Variants in ARHGAP42 observed in about 807,000 individuals in gnomAD.
ARHGAP42 encodes the protein Rho GTPase activating protein 42, also known as rho GTPase-activating protein 42.
ARHGAP42 carries 63 observed loss-of-function variants against 125.0 expected under a neutral mutation model. That is an observed-to-expected ratio of 0.50 (90% confidence interval 0.41 to 0.62). The LOEUF (loss-of-function observed/expected upper bound fraction) is 0.62. ARHGAP42 is among the 20% of genes least tolerant of loss of function. The pLI is 0.00. For synonymous variants in ARHGAP42, 339 were observed against 351.0 expected (o/e 0.97, Z 0.38); for missense variants, 766 against 1,024.2 (o/e 0.75, Z 3.44).
At chr11:100,711,693 T>A (rs910179818) in intron 1 of ARHGAP42, among the ~76,000 whole-genome samples, 1 of 152,206 alleles carries the variant, frequency 6.6e-6, no homozygotes, top group Non-Finnish European at 1.5e-5. Flanking sequence ...TGATGAATAT[T>A]TATCCACAAC....
intron 3 of ARHGAP42, among the ~76,000 whole-genome samples, chr11:100,804,791 C>T (rs560100843): frequency 4.6e-5 from 7 of 152,128 alleles, no homozygotes; most frequent in African/African-American, 1.4e-4. Context: ...GGATTACAGG[C>T]GTGAGCCACC....
In ARHGAP42 at chr11:100,989,767, A is replaced by T. The variant is rs1858783875; in HGVS notation, c.*966A>T. ...GATTGTAAAGTGTCAAAGTATTTTA[A>T]TGATAATTTAATTTGGGCTTTTGAA... On this transcript the variant is annotated 3_prime_UTR_variant, in exon 24 of 24. Coordinates refer to ENST00000298815, the MANE Select transcript of ARHGAP42 (RefSeq NM_152432.4). The T allele has an allele frequency of 1.3e-5, 2 of 152,228 alleles. No individual in the cohort carries two copies. Among genetic ancestry groups the T allele is most frequent in the African/African-American group, 4.8e-5 (2 of 41,460 alleles). 9.4% of individuals were successfully genotyped at this position (152,228 alleles called of 1,614,324 possible). A position where few individuals can be genotyped will look rare whatever the true frequency, so the allele number is the denominator to read the frequency against.
At position 100,959,884 on chromosome 11, in the gene ARHGAP42, G is replaced by A; in HGVS notation, c.1164G>A (p.Met388Ile). 6.4e-7 allele frequency: 1 copy of A among 1,551,260 alleles called. No homozygotes were observed. Residue 388 changes from methionine to isoleucine, a missense_variant and splice_region_variant, in exon 13 of 24, where the codon ATG becomes ATA. Coordinates refer to ENST00000298815, the MANE Select transcript of ARHGAP42 (RefSeq NM_152432.4). ...LPAIISKKEE[M>I]YLNEAGFNFV... ...ATGCGATTTCTCTCTTATTTTCAGT[G>A]TATTTGAATGAAGCAGGGTTCAACT...
chr11:100,936,561 T>C (rs945374760), intron 8 of ARHGAP42, among the ~76,000 whole-genome samples: 1 of 152,228 alleles, frequency 6.6e-6, no homozygotes, highest in Non-Finnish European at 1.5e-5. Context: ...ACTCATACCA[T>C]AACATGCGTT....
At chr11:100,752,973 CT>C in intron 1 of ARHGAP42, among the ~76,000 whole-genome samples, 1 of 152,178 alleles carries the variant, frequency 6.6e-6, no homozygotes, top group Non-Finnish European at 1.5e-5. Context: ...GGGATTTGTG[CT>C]TGCTTTATGT....
At chr11:100,694,472 G>A (rs1861241900) in intron 1 of ARHGAP42, among the ~76,000 whole-genome samples, 1 of 152,202 alleles carries the variant, frequency 6.6e-6, no homozygotes, top group Non-Finnish European at 1.5e-5. Context: ...TGCGAGAGCT[G>A]TGATTGCCAC....
At chr11:100,834,857 T>TTC (rs963652907) in intron 3 of ARHGAP42, among the ~76,000 whole-genome samples, 1 of 150,676 alleles carries the variant, frequency 6.6e-6, no homozygotes, top group Non-Finnish European at 1.5e-5. Flanking sequence ...TTTTTTTTTT[T>TTC]CTTTGTTTTT....
At chr11:100,758,280 T>G (rs1446715652) in intron 1 of ARHGAP42, among the ~76,000 whole-genome samples, 12 of 152,192 alleles carry the variant, frequency 7.9e-5, no homozygotes, top group Admixed American at 7.9e-4. Context: ...GATCCGGGAA[T>G]GTTTTTGTTA....
At chr11:100,705,013 C>CAA (rs1211966921) in intron 1 of ARHGAP42, among the ~76,000 whole-genome samples, 26 of 54,740 alleles carry the variant, frequency 4.7e-4, no homozygotes, top group Admixed American at 1.4e-3. Context: ...ACAACAACAA[C>CAA]AAAAAAAAAA....
intron 2 of ARHGAP42, among the ~76,000 whole-genome samples, chr11:100,776,944 C>A (rs1332086681): frequency 6.8e-6 from 1 of 146,398 alleles, no homozygotes; most frequent in South Asian, 2.1e-4. Context: ...GATTGCACCA[C>A]TGCACTCCAG....
intron 2 of ARHGAP42, among the ~76,000 whole-genome samples, chr11:100,779,542 ATATATATACATATACATACG>A (rs1863235034): frequency 9.5e-5 from 4 of 42,300 alleles, no homozygotes; most frequent in African/African-American, 2.3e-4. Context: ...ATATATACGT[ATATATATACATATACATACG>A]TATATATACG....
At chr11:100,973,147 A>C in intron 17 of ARHGAP42, 28 bp from the exon 18 acceptor site, 1 of 1,488,576 alleles carries the variant, frequency 6.7e-7, no homozygotes, top group Non-Finnish European at 9.0e-7. Context: ...ATATAACTTA[A>C]GATATTTTTG....
At chr11:100,781,091 A>G (rs2135010493) in intron 2 of ARHGAP42, among the ~76,000 whole-genome samples, 1 of 152,226 alleles carries the variant, frequency 6.6e-6, no homozygotes. Flanking sequence ...AGTTTCTCTA[A>G]CTTATGTTAA....
chr11:100,744,550 G>GTA (rs1862256142), intron 1 of ARHGAP42, among the ~76,000 whole-genome samples: 1 of 120,836 alleles, frequency 8.3e-6, no homozygotes, highest in Non-Finnish European at 1.8e-5. Context: ...GTGTGTGTGT[G>GTA]TGTGTGTGTG....
chr11:100,845,092 T>TATAC (rs546437282), intron 3 of ARHGAP42, among the ~76,000 whole-genome samples: 345 of 151,340 alleles, frequency 2.3e-3, no homozygotes, highest in African/African-American at 7.9e-3. Context: ...TATATATATA[T>TATAC]ACACACACAC....
At chr11:100,692,470 C>T (rs2120170299) in intron 1 of ARHGAP42, among the ~76,000 whole-genome samples, 1 of 152,266 alleles carries the variant, frequency 6.6e-6, no homozygotes, top group South Asian at 2.1e-4. Flanking sequence ...CTGATAATAT[C>T]TAGTGTGTTG....
intron 3 of ARHGAP42, among the ~76,000 whole-genome samples, chr11:100,852,140 T>C (rs1389962220): frequency 6.6e-6 from 1 of 152,192 alleles, no homozygotes; most frequent in African/African-American, 2.4e-5. Flanking sequence ...TCTTCTCTCC[T>C]GTCCTCCTCT....
intron 1 of ARHGAP42, among the ~76,000 whole-genome samples, chr11:100,710,540 T>TTTTC (rs1861546436): frequency 8.0e-6 from 1 of 125,680 alleles, no homozygotes; most frequent in African/African-American, 3.3e-5. Context: ...GGCCAGCAGT[T>TTTTC]TTTTTTTTTT....
intron 3 of ARHGAP42, among the ~76,000 whole-genome samples, chr11:100,842,601 T>C (rs891344841): frequency 6.6e-5 from 10 of 151,962 alleles, no homozygotes; most frequent in Non-Finnish European, 1.3e-4. Flanking sequence ...AATCATAAGG[T>C]TTTCTTGGTA....
Sources: gnomAD v4.1 joint callset for allele counts (sites outside exome capture counted in the v4.1 genomes callset) on GRCh38, gnomAD v4.1.1 for gene constraint, MANE v1.5 for transcripts, NCBI Gene and HGNC (gene_info 2026-07-23, HGNC 2026-07-21) for gene names.